The following RHD variants were observed in gnomAD, a reference collection of about 807,000 sequenced individuals.
RHD encodes the protein blood group Rh(D) polypeptide.
In RHD, 16 loss-of-function variants were observed where a neutral mutation model predicts 45.5. The ratio of observed to expected loss-of-function variants is 0.35; its 90% CI spans 0.24 to 0.53. The LOEUF (loss-of-function observed/expected upper bound fraction) is 0.53. RHD is among the 20% of genes least tolerant of loss of function. The pLI, the probability that RHD is intolerant of heterozygous loss-of-function variation, is 0.92. For missense variants in RHD, 306 were observed against 532.0 expected, an observed-to-expected ratio of 0.58 and a Z score of 4.18; for synonymous variants, 131 against 217.5, an observed-to-expected ratio of 0.60 and a Z score of 3.50.
rs1641323404 is a variant in RHD at position 25,279,890 on chromosome 1, C to T, written c.149-4683C>T. ...CCCTGAACACCTTAGAGCCCATCAG[C>T]TTATCAAACCAGCAGCTGATGTGAG... On this transcript the variant is annotated intron_variant, in intron 1 of 9. Coordinates refer to ENST00000328664, the MANE Select transcript of RHD (RefSeq NM_016124.6). Among the ~76,000 whole-genome samples the T allele has an allele frequency of 3.1e-5, 4 of 129,442 alleles. 2 individuals carry two copies. Among genetic ancestry groups the T allele is most frequent in the Non-Finnish European group, 7.2e-5 (4 of 55,354 alleles). 84.9% of individuals were successfully genotyped at this position (129,442 alleles called of 152,430 possible).
intron 3 of RHD, among the ~76,000 whole-genome samples, chr1:25,299,072 TAAAAAAAAAAA>T (rs34867414): frequency 7.3e-5 from 3 of 40,878 alleles, no homozygotes; most frequent in African/African-American, 1.6e-4. Flanking sequence ...CACATGGTGA[TAAAAAAAAAAA>T]AAAAAAAAAA....
intron 8 of RHD, among the ~76,000 whole-genome samples, chr1:25,321,365 AT>A (rs1295217162): frequency 8.0e-6 from 1 of 125,104 alleles, no homozygotes; most frequent in South Asian, 2.5e-4. Flanking sequence ...AAAAAAAAAA[AT>A]GTCTACAGAA....
chr1:25,280,286 G>T (rs1641361281), intron 1 of RHD, among the ~76,000 whole-genome samples: 1 of 126,076 alleles, frequency 7.9e-6, no homozygotes, highest in Non-Finnish European at 1.9e-5. Flanking sequence ...CCCCCACCCA[G>T]GATCCTCTGA....
intron 7 of RHD, among the ~76,000 whole-genome samples, chr1:25,316,497 G>A (rs1644443702): frequency 8.5e-6 from 1 of 118,306 alleles, no homozygotes; most frequent in East Asian, 2.0e-4. Context: ...GCGCATGCCT[G>A]TAGTCCCAGC....
At position 25,291,033 on chromosome 1, in the gene RHD, CAGTT is replaced by C. The variant is rs1216829646; in HGVS notation, c.486+244_486+247del. The stretch of plus-strand genomic sequence containing the variant: ...TTGTGGTGGCATGCACCTGTAGTCT[CAGTT>C]ACTCAGGAGGCTGAGGTGTGAGTTG... On this transcript the variant is annotated intron_variant, in intron 3 of 9. Coordinates refer to ENST00000328664, the MANE Select transcript of RHD (RefSeq NM_016124.6). Among the ~76,000 whole-genome samples, 4 of 130,966 alleles carry C rather than the reference CAGTT, an allele frequency of 3.1e-5. 1 individual carries two copies. The highest frequency in any genetic ancestry group is 1.0e-4 in the African/African-American group (4 of 38,266). 85.9% of individuals were successfully genotyped at this position (130,966 alleles called of 152,430 possible).
At chr1:25,302,570 A>T (rs1643471556) in intron 5 of RHD, among the ~76,000 whole-genome samples, 2 of 129,868 alleles carry the variant, frequency 1.5e-5, no homozygotes, top group East Asian at 3.9e-4. Context: ...GTGAGAGCTG[A>T]GGGTGTCAGA....
At position 25,313,044 on chromosome 1, in the gene RHD, C is replaced by G. The variant is rs575292484; in HGVS notation, c.1074-3956C>G. ...GATGCTGTGGTTTGAATGCATCCCT[C>G]AAATTTCATGTGTTGGAAACTTAAT... On this transcript the variant is annotated intron_variant, in intron 7 of 9. Coordinates refer to ENST00000328664, the MANE Select transcript of RHD (RefSeq NM_016124.6). 2.5e-5 allele frequency among the ~76,000 whole-genome samples: 3 copies of G among 121,270 alleles called. No individual in the cohort carries two copies. The South Asian group carries it at 8.2e-4, about 33-fold the overall frequency. The allele number at this position is 121,270 out of a possible 152,430, so 79.6% of individuals were successfully genotyped here. A position where few individuals can be genotyped will look rare whatever the true frequency, so the allele number is the denominator to read the frequency against.
At chr1:25,272,782 T>C in intron 1 of RHD, 87 bp downstream of exon 1, 1 of 1,325,288 alleles carries the variant, frequency 7.5e-7, no homozygotes, top group South Asian at 1.2e-5. Context: ...GGCACAGATG[T>C]TCCTTTCTAC....
At chr1:25,284,383 G>A (rs1434615499) in intron 1 of RHD, among the ~76,000 whole-genome samples, 190 bp from the exon 2 acceptor site, 16 of 135,588 alleles carry the variant, frequency 1.2e-4, no homozygotes, top group South Asian at 2.2e-4. Flanking sequence ...ATCCCCACAC[G>A]GCATGTTATG....
At chr1:25,312,919 C>CAAAAAAAAAAAAAAAAAAAAA (rs1571719513) in intron 7 of RHD, among the ~76,000 whole-genome samples, 1 of 3,618 alleles carries the variant, frequency 2.8e-4, no homozygotes, top group Non-Finnish European at 1.0e-3. Context: ...AATCCCATCT[C>CAAAAAAAAAAAAAAAAAAAAA]TAAAAAAAAA....
chr1:25,275,399 G>A lies in RHD; in HGVS notation c.148+2704G>A, dbSNP rs538424957. 6.0e-4 allele frequency among the ~76,000 whole-genome samples: 80 copies of A among 132,412 alleles called. 10 individuals carry two copies. In the South Asian group the frequency reaches 0.015, roughly 25 times the overall value. The allele number at this position is 132,412 out of a possible 152,430, so 86.9% of individuals were successfully genotyped here. On this transcript the variant is annotated intron_variant, in intron 1 of 9. Coordinates refer to ENST00000328664, the MANE Select transcript of RHD (RefSeq NM_016124.6). ...TGAGGTCCGAATAGTAAACAGCAGC[G>A]AGACAAGTTTGGGTTTGGGTCATGG...
At position 25,290,593 on chromosome 1, in the gene RHD, G is replaced by A. The variant is rs778208299; in HGVS notation, c.336-48G>A. 38 of 1,264,840 alleles carry A rather than the reference G, an allele frequency of 3.0e-5. 6 individuals carry two copies. The South Asian group carries it at 4.3e-4, about 14-fold the overall frequency. The allele number at this position is 1,264,840 out of a possible 1,614,324, so 78.4% of individuals were successfully genotyped here. Reference sequence around the variant, plus strand: ...AATGAATGAATGAATGAATGAGTGAGAGGCATCCTTCCTTCTCAGTCGTCC... The same window carrying A: ...AATGAATGAATGAATGAATGAGTGAAAGGCATCCTTCCTTCTCAGTCGTCC... On this transcript the variant is annotated intron_variant, in intron 2 of 9. Coordinates refer to ENST00000328664, the MANE Select transcript of RHD (RefSeq NM_016124.6).
chr1:25,299,072 T>TAA (rs34867414), intron 3 of RHD, among the ~76,000 whole-genome samples: 3,612 of 40,798 alleles, frequency 0.089, 499 homozygotes, highest in Non-Finnish European at 0.12. Context: ...CACATGGTGA[T>TAA]AAAAAAAAAA....
At position 25,290,828 on chromosome 1, in the gene RHD, A is replaced by T; in HGVS notation, c.486+37A>T. ...TGCTGGGAGGAGGGACCTGGGAGAA[A>T]AGGGCCAAAAGCTCCATTTGGTGGG... On this transcript the variant is annotated intron_variant, in intron 3 of 9. Coordinates refer to ENST00000328664, the MANE Select transcript of RHD (RefSeq NM_016124.6). 1.5e-6 allele frequency: 2 copies of T among 1,370,104 alleles called. 1 individual carries two copies. Among genetic ancestry groups the T allele is most frequent in the Non-Finnish European group, 2.1e-6 (2 of 972,278 alleles). 84.9% of individuals were successfully genotyped at this position (1,370,104 alleles called of 1,614,324 possible).
rs370873484 is a variant in RHD at position 25,290,229 on chromosome 1, C to T, written c.336-412C>T. 1.5e-4 allele frequency among the ~76,000 whole-genome samples: 19 copies of T among 128,140 alleles called. 3 individuals are homozygous for T. The highest frequency in any genetic ancestry group is 3.9e-4 in the East Asian group (2 of 5,070). 84.1% of individuals were successfully genotyped at this position (128,140 alleles called of 152,430 possible). A position where few individuals can be genotyped will look rare whatever the true frequency, so the allele number is the denominator to read the frequency against. ...GGGTGACTGGATGTGGGCAGGCCTG[C>T]GGGGGAAGAGTGCCCTCTGTTGAGC... On this transcript the variant is annotated intron_variant, in intron 2 of 9. Transcript: ENST00000328664.
Position 25,329,241 on chromosome 1 carries a change from T to TC in RHD, c.*317_*318insC. On this transcript the variant is annotated 3_prime_UTR_variant, in exon 10 of 10. Coordinates refer to ENST00000328664, the MANE Select transcript of RHD (RefSeq NM_016124.6). ...GTTAATTTATTATTATTCCTTGTTTTTTTTTTTTTTTTTTTTTTTTTGAGA... is the reference window on the plus strand; with the variant it reads ...GTTAATTTATTATTATTCCTTGTTTTCTTTTTTTTTTTTTTTTTTTTTGAGA... The TC allele has an allele frequency of 1.8e-6, 1 of 554,502 alleles. No individual in the cohort carries two copies. Among genetic ancestry groups the TC allele is most frequent in the South Asian group, 2.1e-5 (1 of 46,622 alleles). 34.3% of individuals were successfully genotyped at this position (554,502 alleles called of 1,614,324 possible).
intron 8 of RHD, among the ~76,000 whole-genome samples, chr1:25,321,618 C>G (rs544094914): frequency 5.6e-5 from 7 of 125,674 alleles, no homozygotes; most frequent in African/African-American, 1.9e-4. Context: ...TGCAGTGAGC[C>G]GAGATCACGC....
rs1417248967 is a variant in RHD, at chr1:25,297,137, G to A, written c.487-3809G>A. On this transcript the variant is annotated intron_variant, in intron 3 of 9. Transcript: ENST00000328664. Reference sequence around the variant, plus strand: ...ATGTCTTATTAAATTCCATCAATCTGGAGCAGTTTCTTCATCTTTCTTTAT... The same window carrying A: ...ATGTCTTATTAAATTCCATCAATCTAGAGCAGTTTCTTCATCTTTCTTTAT... Among the ~76,000 whole-genome samples the A allele has an allele frequency of 3.6e-5, 4 of 110,352 alleles. 2 individuals are homozygous for A. Among genetic ancestry groups the A allele is most frequent in the Non-Finnish European group, 8.6e-5 (4 of 46,706 alleles). 72.4% of individuals were successfully genotyped at this position (110,352 alleles called of 152,430 possible).
chr1:25,286,796 AAC>A lies in RHD; in HGVS notation c.335+2039_335+2040del, dbSNP rs565371726. 4.9e-3 allele frequency among the ~76,000 whole-genome samples: 641 copies of A among 131,284 alleles called. 61 individuals are homozygous for A. The highest frequency in any genetic ancestry group is 0.016 in the African/African-American group (576 of 37,120). The allele number at this position is 131,284 out of a possible 152,430, so 86.1% of individuals were successfully genotyped here. On this transcript the variant is annotated intron_variant, in intron 2 of 9. Transcript: ENST00000328664. Reference sequence around the variant, plus strand: ...GCGAGACTCCGTCTCAAAAAAAAAAAACAAAAACAGTTTTAGGCCAGGCGCGG... The same window carrying A: ...GCGAGACTCCGTCTCAAAAAAAAAAAAAAAACAGTTTTAGGCCAGGCGCGG...
Sources: gnomAD v4.1 joint callset for allele counts (sites outside exome capture counted in the v4.1 genomes callset) on GRCh38, gnomAD v4.1.1 for gene constraint, MANE v1.5 for transcripts, NCBI Gene and HGNC (gene_info 2026-07-23, HGNC 2026-07-21) for gene names.